The following NTN4 variants were observed in gnomAD, a reference collection of about 807,000 sequenced individuals.
NTN4 encodes netrin-4.
NTN4 carries 32 observed loss-of-function variants against 73.6 expected under a neutral mutation model. The observed-to-expected ratio is 0.44, with a 90% CI of 0.33 to 0.58. The LOEUF (loss-of-function observed/expected upper bound fraction) is 0.58, where lower values mean the gene tolerates loss of function less well. Among genes scored for constraint, NTN4 ranks in the 20% least tolerant of loss-of-function variants. The pLI is 0.04. For missense variants in NTN4, 654 were observed against 798.3 expected, an observed-to-expected ratio of 0.82 and a Z score of 2.18; for synonymous variants, 258 against 287.5, an observed-to-expected ratio of 0.90 and a Z score of 1.04.
chr12:95,784,418 G>C lies in NTN4; in HGVS notation c.585+2521C>G, dbSNP rs560196603. ...AATGACTTCTTTACACTTTACACTT[G>C]CAAATAATGCTCTAGAGGGAACTAG... On this transcript the variant is annotated intron_variant, in intron 2 of 9. Transcript: ENST00000343702. Among the ~76,000 whole-genome samples the C allele has an allele frequency of 2.0e-5, 3 of 152,260 alleles. No homozygotes were observed. In the East Asian group the frequency reaches 5.8e-4, roughly 29 times the overall value.
Position 95,738,549 on chromosome 12 carries a change from C to T in NTN4, c.586-405G>A, listed in dbSNP as rs556404830. Among the ~76,000 whole-genome samples, 29 of 152,200 alleles carry T rather than the reference C, an allele frequency of 1.9e-4. No individual in the cohort carries two copies. In the East Asian group the frequency reaches 2.3e-3, roughly 12 times the overall value. ...AACAAAGAGAGAGTGGCTGGAGAGG[C>T]GGACAGAGAGCAGGTGTGAGATAGA... On this transcript the variant is annotated intron_variant, in intron 2 of 9. Transcript: ENST00000343702.
intron 5 of NTN4, among the ~76,000 whole-genome samples, chr12:95,704,537 G>A (rs1393916088): frequency 6.6e-6 from 1 of 152,012 alleles, no homozygotes; most frequent in Non-Finnish European, 1.5e-5. Flanking sequence ...GGTGACATAG[G>A]GATACATCTA....
intron 5 of NTN4, among the ~76,000 whole-genome samples, chr12:95,700,430 G>A (rs10859925): frequency 0.17 from 25,780 of 152,080 alleles, 2,445 homozygotes; most frequent in Non-Finnish European, 0.22. Flanking sequence ...TTCTGATTCA[G>A]TGTATTCTGG....
At chr12:95,722,067 CTTT>C (rs200453216) in intron 3 of NTN4, among the ~76,000 whole-genome samples, 4 of 124,428 alleles carry the variant, frequency 3.2e-5, no homozygotes, top group Admixed American at 8.2e-5. Context: ...TTCAGTAGAT[CTTT>C]TTTTTTTTTT....
intron 2 of NTN4, among the ~76,000 whole-genome samples, chr12:95,783,280 A>G (rs960962261): frequency 2.4e-4 from 36 of 152,246 alleles, no homozygotes; most frequent in African/African-American, 8.7e-4. Context: ...ATAGCCAAGT[A>G]AGTGCAGGAA....
chr12:95,750,282 G>A (rs965415344), intron 2 of NTN4, among the ~76,000 whole-genome samples: 10 of 149,122 alleles, frequency 6.7e-5, no homozygotes, highest in Non-Finnish European at 1.3e-4. Flanking sequence ...GGTAAGAACC[G>A]CCGAACCCCT....
intron 9 of NTN4, among the ~76,000 whole-genome samples, chr12:95,662,204 TC>T: frequency 9.5e-6 from 1 of 105,492 alleles, no homozygotes; most frequent in Admixed American, 1.1e-4. Flanking sequence ...TCCCCTTCCC[TC>T]CCCTCTCCTT....
intron 2 of NTN4, among the ~76,000 whole-genome samples, chr12:95,768,949 G>A (rs1027103372): frequency 6.6e-6 from 1 of 152,128 alleles, no homozygotes; most frequent in Admixed American, 6.5e-5. Context: ...GCTTCTCTGG[G>A]TTAGACAGCA....
rs2079006747 is a variant in NTN4, at chr12:95,764,369, AAAG to A, written c.585+22567_585+22569del. On this transcript the variant is annotated intron_variant, in intron 2 of 9. Transcript: ENST00000343702. ...TAACTGCTTTATTAAGTGGGCTTTT[AAAG>A]AAGGAGAGCTGGCCGGGCACAGTGG... is the stretch of plus-strand genomic sequence containing the variant. Among the ~76,000 whole-genome samples, 2 of 152,174 alleles carry A rather than the reference AAAG, an allele frequency of 1.3e-5. 1 individual carries two copies. Among genetic ancestry groups the A allele is most frequent in the South Asian group, 4.1e-4 (2 of 4,832 alleles).
At chr12:95,690,816 T>C (rs1415957352) in intron 5 of NTN4, among the ~76,000 whole-genome samples, 4 of 152,124 alleles carry the variant, frequency 2.6e-5, no homozygotes, top group African/African-American at 9.7e-5. Context: ...AGAAAGATAT[T>C]ATAAGAACCC....
At chr12:95,706,625 T>C (rs768170845) in intron 5 of NTN4, among the ~76,000 whole-genome samples, 3 of 152,200 alleles carry the variant, frequency 2.0e-5, no homozygotes, top group Non-Finnish European at 4.4e-5. Flanking sequence ...CATTTTTAGG[T>C]TGGCAGTTAA....
intron 5 of NTN4, 136 bp downstream of exon 5, chr12:95,710,305 G>A (rs1592678741): frequency 1.6e-6 from 1 of 632,396 alleles, no homozygotes; most frequent in South Asian, 3.0e-5. Flanking sequence ...TATCAATGAA[G>A]AAATTAACCG....
At chr12:95,751,514 C>T (rs1410133948) in intron 2 of NTN4, among the ~76,000 whole-genome samples, 2 of 152,116 alleles carry the variant, frequency 1.3e-5, no homozygotes, top group Non-Finnish European at 2.9e-5. Context: ...TCCTAAGCCG[C>T]ATCCCATCTG....
At chr12:95,750,164 G>A (rs1379732387) in intron 2 of NTN4, among the ~76,000 whole-genome samples, 4 of 140,946 alleles carry the variant, frequency 2.8e-5, no homozygotes, top group Non-Finnish European at 4.6e-5. Context: ...TCTGTGCCCC[G>A]ACCCCTTATT....
chr12:95,718,006 C>T lies in NTN4; in HGVS notation c.865-4668G>A, dbSNP rs144557608. Among the ~76,000 whole-genome samples the T allele has an allele frequency of 3.3e-5, 5 of 152,264 alleles. No individual in the cohort carries two copies. The East Asian group carries it at 9.6e-4, about 29-fold the overall frequency. On this transcript the variant is annotated intron_variant, in intron 3 of 9. Coordinates refer to ENST00000343702, the MANE Select transcript of NTN4 (RefSeq NM_021229.4). ...TTGCTACTAATATTAACGCACTTGC[C>T]AGTCATTTTTAGCACATTTATCTTA...
chr12:95,755,310 T>C (rs544940626), intron 2 of NTN4, among the ~76,000 whole-genome samples: 9 of 152,342 alleles, frequency 5.9e-5, no homozygotes, highest in Non-Finnish European at 1.2e-4. Context: ...TGAAACGGGC[T>C]TTCTGCTTCC....
intron 3 of NTN4, among the ~76,000 whole-genome samples, chr12:95,725,310 GT>G (rs1434052760): frequency 6.6e-6 from 1 of 152,066 alleles, no homozygotes; most frequent in African/African-American, 2.4e-5. Flanking sequence ...GTGTTGTAGG[GT>G]TTTATTCACT....
intron 3 of NTN4, among the ~76,000 whole-genome samples, chr12:95,729,632 A>AGAGAGTGT (rs1555218229): frequency 8.1e-5 from 10 of 124,172 alleles, no homozygotes; most frequent in South Asian, 2.8e-4. Flanking sequence ...AGAGAGAGAG[A>AGAGAGTGT]GTGTGTGTGT....
In NTN4 at chr12:95,708,690, C is replaced by T. The variant is rs552544988; in HGVS notation, c.1180+1751G>A. On this transcript the variant is annotated intron_variant, in intron 5 of 9. Transcript: ENST00000343702. Reference sequence around the variant, plus strand: ...TCCCAGAGTGCTGGGATTACAGATGCGAGCCACCCCACCTGGCGTAGTTTT... The same window carrying T: ...TCCCAGAGTGCTGGGATTACAGATGTGAGCCACCCCACCTGGCGTAGTTTT... 1.3e-3 allele frequency among the ~76,000 whole-genome samples: 199 copies of T among 152,152 alleles called. 1 individual carries two copies. The highest frequency in any genetic ancestry group is 4.3e-3 in the African/African-American group (178 of 41,510).
Sources: gnomAD v4.1 joint callset for allele counts (sites outside exome capture counted in the v4.1 genomes callset) on GRCh38, gnomAD v4.1.1 for gene constraint, MANE v1.5 for transcripts, NCBI Gene and HGNC (gene_info 2026-07-23, HGNC 2026-07-21) for gene names.